Variants in PLEKHG4B observed in about 807,000 individuals in gnomAD.
PLEKHG4B encodes the protein pleckstrin homology and RhoGEF domain containing G4B.
PLEKHG4B carries 111 observed loss-of-function variants against 121.3 expected under a neutral mutation model. That is an observed-to-expected ratio of 0.92 (90% confidence interval 0.78 to 1.07). The LOEUF (loss-of-function observed/expected upper bound fraction) is 1.07. Ranked by LOEUF, PLEKHG4B falls within the 50% of genes least tolerant of loss-of-function variation. The pLI is 0.00. For missense variants in PLEKHG4B, 1,831 were observed against 1,757.8 expected (o/e 1.04, Z -0.74); for synonymous variants, 738 against 725.0 (o/e 1.02, Z -0.29).
intron 13 of PLEKHG4B, among the ~76,000 whole-genome samples, chr5:166,777 G>A (rs1291095811): frequency 6.6e-6 from 1 of 152,212 alleles, no homozygotes; most frequent in Admixed American, 6.5e-5. Context: ...TCTGAACGGA[G>A]AAGGCCCAAG....
intron 11 of PLEKHG4B, among the ~76,000 whole-genome samples, 161 bp from the exon 12 acceptor site, chr5:161,622 G>A (rs76274415): frequency 1.3e-3 from 205 of 152,072 alleles, no homozygotes; most frequent in African/African-American, 4.8e-3. Context: ...GAAATGCCTC[G>A]GTCCTTTGGT....
intron 3 of PLEKHG4B, among the ~76,000 whole-genome samples, chr5:142,444 G>A (rs1386003342): frequency 6.0e-5 from 9 of 149,662 alleles, no homozygotes; most frequent in African/African-American, 2.0e-4. Context: ...ACAGTCACCA[G>A]TCACATGCTT....
rs1317161401 is a variant in PLEKHG4B, at chr5:159,214, CCTG to C, written c.2487+2304_2487+2306del. On this transcript the variant is annotated intron_variant, in intron 11 of 19. Coordinates refer to ENST00000637938, the MANE Select transcript of PLEKHG4B (RefSeq NM_052909.5). The surrounding 1 kb of genome is among the most constrained non-coding windows in gnomAD (Gnocchi z 5.5). The stretch of plus-strand genomic sequence containing the variant: ...TGTGCCTGAGGGTGGCCCAGGTGTG[CCTG>C]AGGGTCGCCCAGGTGCACTGAGGGC... Among the ~76,000 whole-genome samples, 8 of 123,212 alleles carry C rather than the reference CCTG, an allele frequency of 6.5e-5. No homozygotes were observed. Among genetic ancestry groups the C allele is most frequent in the African/African-American group, 1.5e-4 (4 of 26,424 alleles). The allele number at this position is 123,212 out of a possible 152,430, so 80.8% of individuals were successfully genotyped here.
intron 1 of PLEKHG4B, among the ~76,000 whole-genome samples, chr5:96,594 T>G (rs538364454): frequency 5.9e-5 from 9 of 152,142 alleles, no homozygotes; most frequent in Non-Finnish European, 1.0e-4. Context: ...TTGAGAAAGA[T>G]TAAAGAAGAC....
chr5:123,450 G>A (rs1434177769), intron 2 of PLEKHG4B, among the ~76,000 whole-genome samples: 56 of 152,064 alleles, frequency 3.7e-4, no homozygotes, highest in Admixed American at 3.7e-3. Context: ...AGAAGGGGTG[G>A]TATTCTTCTT....
chr5:141,478 C>T (rs1396576402), intron 3 of PLEKHG4B, among the ~76,000 whole-genome samples: 4 of 150,420 alleles, frequency 2.7e-5, no homozygotes, highest in African/African-American at 9.8e-5. Flanking sequence ...GGCCTCCTCC[C>T]CAGTGCTTCT....
intron 2 of PLEKHG4B, among the ~76,000 whole-genome samples, chr5:116,172 T>C (rs1734301670): frequency 6.6e-6 from 1 of 152,170 alleles, no homozygotes; most frequent in Non-Finnish European, 1.5e-5. Context: ...TCAATATTAT[T>C]GTGTCTTAGG....
At chr5:175,160 C>T (rs1321638918) in intron 18 of PLEKHG4B, among the ~76,000 whole-genome samples, 1 of 152,090 alleles carries the variant, frequency 6.6e-6, no homozygotes, top group African/African-American at 2.4e-5. Context: ...ACTTCCTGCC[C>T]CTGCCCTGCT....
intron 14 of PLEKHG4B, among the ~76,000 whole-genome samples, chr5:170,620 G>C (rs1423242907): frequency 2.6e-5 from 4 of 152,144 alleles, no homozygotes; most frequent in Non-Finnish European, 5.9e-5. Flanking sequence ...CTTAAAAGGT[G>C]CTTTTAGACA....
Position 169,493 on chromosome 5 carries a change from C to T in PLEKHG4B, c.3630C>T (p.Asn1210=), listed in dbSNP as rs1194322309. ...GGAAGCACCACGTTATTTTCGGCAA[C>T]TTGGAGAAGCTCCACGACTTCCACC... is the stretch of plus-strand genomic sequence containing the variant. The part of the protein sequence containing the change: ...LRGKHHVIFG[N]LEKLHDFHQQ... Residue 1210 remains asparagine (N), a synonymous_variant, in exon 14 of 20, where the codon AAC becomes AAT. Coordinates refer to ENST00000637938, the MANE Select transcript of PLEKHG4B (RefSeq NM_052909.5). 6.2e-7 allele frequency: 1 copy of T among 1,614,112 alleles called. No individual in the cohort carries two copies. Among genetic ancestry groups the T allele is most frequent in the Non-Finnish European group, 8.5e-7 (1 of 1,180,064 alleles).
At chr5:130,782 C>T (rs922484425) in intron 2 of PLEKHG4B, among the ~76,000 whole-genome samples, 9 of 152,120 alleles carry the variant, frequency 5.9e-5, no homozygotes, top group African/African-American at 2.2e-4. Flanking sequence ...AAAGATTTAC[C>T]CTGTGTGATC....
chr5:149,517 G>A (rs1234577056), intron 6 of PLEKHG4B, among the ~76,000 whole-genome samples: 1 of 151,988 alleles, frequency 6.6e-6, no homozygotes, highest in African/African-American at 2.4e-5. Flanking sequence ...CTCCAGTATG[G>A]ATGACAGAGA....
rs1032920400 is a variant in PLEKHG4B, at chr5:156,552, T to G, written c.2349-221T>G. Among the ~76,000 whole-genome samples, 1 of 152,042 alleles carries G rather than the reference T, an allele frequency of 6.6e-6. No homozygotes were observed. The highest frequency in any genetic ancestry group is 2.4e-5 in the African/African-American group (1 of 41,408). The stretch of plus-strand genomic sequence containing the variant: ...CCAGTCCCGCCTAAGCTGCCCCACC[T>G]GGGTCCCCTCCAGGCACCTGCAACC... On this transcript the variant is annotated intron_variant, in intron 10 of 19. Transcript: ENST00000637938. The surrounding 1 kb of genome is among the most constrained non-coding windows in gnomAD (Gnocchi z 4.4).
Position 163,020 on chromosome 5 carries a change from C to T in PLEKHG4B, c.2948C>T (p.Ala983Val), listed in dbSNP as rs772967343. Reference protein sequence around the residue: ...SPPKHERAQEAMRRHQKPPSF... With the variant: ...SPPKHERAQEVMRRHQKPPSF... ...CCAAAGCATGAGCGTGCCCAGGAGG[C>T]CATGAGGAGGCACCAGAAGCCACCC... Residue 983 changes from alanine to valine, a missense_variant, in exon 13 of 20, where the codon GCC (alanine) becomes GTC (valine). Ala to Val is a moderately conservative substitution (Grantham distance 64, BLOSUM62 0). Coordinates refer to ENST00000637938, the MANE Select transcript of PLEKHG4B (RefSeq NM_052909.5). The T allele has an allele frequency of 3.2e-6, 5 of 1,563,858 alleles. No homozygotes were observed. In the South Asian group the frequency reaches 3.5e-5, roughly 11 times the overall value.
At chr5:110,911 A>G (rs1213991845) in intron 1 of PLEKHG4B, among the ~76,000 whole-genome samples, 2 of 152,266 alleles carry the variant, frequency 1.3e-5, no homozygotes, top group Non-Finnish European at 2.9e-5. Context: ...AAGACAAGAA[A>G]TTGGGCTGAG....
At chr5:134,117 ATAT>A (rs1734873885) in intron 2 of PLEKHG4B, among the ~76,000 whole-genome samples, 1 of 115,332 alleles carries the variant, frequency 8.7e-6, no homozygotes, top group Non-Finnish European at 1.8e-5. Context: ...ATATATATAT[ATAT>A]ATGTGATGGA....
intron 2 of PLEKHG4B, among the ~76,000 whole-genome samples, chr5:116,061 G>A (rs771192858): frequency 6.6e-6 from 1 of 152,166 alleles, no homozygotes; most frequent in Non-Finnish European, 1.5e-5. Flanking sequence ...TTCTCACAAA[G>A]CTTAATCATT....
intron 1 of PLEKHG4B, among the ~76,000 whole-genome samples, chr5:98,760 A>AC (rs1733704711): frequency 7.3e-6 from 1 of 137,490 alleles, no homozygotes; most frequent in South Asian, 2.3e-4. Flanking sequence ...GGCGTGAGCC[A>AC]CCCCGCCCGG....
At chr5:178,207 G>A (rs530203078) in intron 18 of PLEKHG4B, among the ~76,000 whole-genome samples, 1 of 152,186 alleles carries the variant, frequency 6.6e-6, no homozygotes, top group East Asian at 1.9e-4. Flanking sequence ...TAACACTTTA[G>A]TGCAGCAGGT....
Sources: allele counts gnomAD v4.1 joint callset (sites outside exome capture counted in the v4.1 genomes callset), GRCh38; gene constraint gnomAD v4.1.1; non-coding constraint Gnocchi (gnomAD v3.1); transcripts MANE v1.5; gene names NCBI Gene and HGNC (gene_info 2026-07-23, HGNC 2026-07-21).